The following CLOCK variants were observed in gnomAD, a reference collection of about 807,000 sequenced individuals.
CLOCK encodes clock circadian regulator, also known as circadian locomoter output cycles protein kaput.
CLOCK carries 43 observed loss-of-function variants against 118.4 expected under a neutral mutation model. The observed-to-expected ratio is 0.36, with a 90% CI of 0.28 to 0.47. The LOEUF is 0.47. CLOCK is among the 20% of genes least tolerant of loss of function. The pLI is 1.00. For synonymous variants in CLOCK, 326 were observed against 339.2 expected (o/e 0.96, Z 0.43); for missense variants, 846 against 999.9 (o/e 0.85, Z 2.08).
intron 11 of CLOCK, among the ~76,000 whole-genome samples, chr4:55,457,775 G>GA (rs1267344035): frequency 6.6e-6 from 1 of 151,808 alleles, no homozygotes; most frequent in Admixed American, 6.6e-5. Flanking sequence ...TGGGCTTTGA[G>GA]AAAAAAACAA....
rs1393723335 is a variant in CLOCK at position 55,435,589 on chromosome 4, A to G, written c.2367T>C (p.Ser789=). The change falls in exon 23 of 23, where the codon TCT becomes TCC. Residue 789 remains serine (S), a synonymous_variant. Coordinates refer to ENST00000513440, the MANE Select transcript of CLOCK (RefSeq NM_004898.4). The part of the protein sequence containing the change: ...TQPPQQFLQT[S]RLLHGNPSTQ... The stretch of plus-strand genomic sequence containing the variant: ...TTGAGGGATTCCCATGGAGCAACCT[A>G]GAAGTCTAAAAAACAAATGGATTAT... 3 of 1,613,728 alleles carry G rather than the reference A, an allele frequency of 1.9e-6. No homozygotes were observed. The highest frequency in any genetic ancestry group is 3.3e-5 in the Admixed American group (2 of 59,966).
chr4:55,522,495 GT>G (rs539425711), intron 1 of CLOCK, among the ~76,000 whole-genome samples: 35 of 147,230 alleles, frequency 2.4e-4, no homozygotes, highest in African/African-American at 6.2e-4. Context: ...GTAATAAACT[GT>G]TTTTTTTTAA....
chr4:55,445,915 G>C (rs2109712514), intron 18 of CLOCK, among the ~76,000 whole-genome samples: 1 of 151,660 alleles, frequency 6.6e-6, no homozygotes, highest in Middle Eastern at 3.4e-3. Flanking sequence ...TATTCTTTAG[G>C]TTCTCTTTAC....
At chr4:55,492,968 T>C (rs1391722883) in intron 2 of CLOCK, among the ~76,000 whole-genome samples, 3 of 152,228 alleles carry the variant, frequency 2.0e-5, no homozygotes, top group Non-Finnish European at 4.4e-5. Context: ...TCAACTGTGA[T>C]TGCTCCTAGG....
chr4:55,447,027 C>A (rs1203042623), intron 18 of CLOCK, among the ~76,000 whole-genome samples: 1 of 151,990 alleles, frequency 6.6e-6, no homozygotes, highest in Non-Finnish European at 1.5e-5. Context: ...AGTACCTCAA[C>A]TCCCTCAAGT....
At chr4:55,464,057 CA>C (rs1294966127) in intron 8 of CLOCK, among the ~76,000 whole-genome samples, 3 of 152,144 alleles carry the variant, frequency 2.0e-5, no homozygotes, top group Non-Finnish European at 2.9e-5. Context: ...ATGTTCTGAA[CA>C]TTTCAAAATA....
At position 55,455,904 on chromosome 4, in the gene CLOCK, A is replaced by G. The variant is rs1229972986; in HGVS notation, c.975T>C (p.His325=). The change falls in exon 13 of 23, where the codon CAT becomes CAC. Residue 325 remains histidine (H), a synonymous_variant. Transcript: ENST00000513440. ...ATGTTAAAATCTACTTACAGTGCTC[A>G]TGACATTTTGCCAAATTTTCTAGGT... ...VDDLENLAKC[H]EHLMQYGKGK... 1 of 1,610,978 alleles carries G rather than the reference A, an allele frequency of 6.2e-7. No homozygotes were observed. Among genetic ancestry groups the G allele is most frequent in the African/African-American group, 1.3e-5 (1 of 74,874 alleles).
chr4:55,456,163 C>G, intron 12 of CLOCK, 55 bp downstream of exon 12: 2 of 1,414,370 alleles, frequency 1.4e-6, no homozygotes, highest in Non-Finnish European at 2.0e-6. Context: ...CCATTAATTT[C>G]AAGAATTATA....
At chr4:55,438,154 A>T in intron 22 of CLOCK, 128 bp downstream of exon 22, 2 of 1,204,246 alleles carry the variant, frequency 1.7e-6, no homozygotes, top group African/African-American at 1.5e-5. Flanking sequence ...CTATCTTTGT[A>T]GAGATTTAAA....
chr4:55,538,738 T>C (rs1174947269), intron 1 of CLOCK, among the ~76,000 whole-genome samples: 1 of 152,136 alleles, frequency 6.6e-6, no homozygotes. Context: ...CAAAGTGCTT[T>C]AAAAGTAACA....
intron 1 of CLOCK, among the ~76,000 whole-genome samples, chr4:55,544,203 A>G (rs1395767582): frequency 6.7e-6 from 1 of 148,578 alleles, no homozygotes; most frequent in Non-Finnish European, 1.5e-5. Flanking sequence ...CACACACCCC[A>G]ATTTACCTTT....
intron 2 of CLOCK, among the ~76,000 whole-genome samples, chr4:55,495,878 A>G (rs1728035082): frequency 1.4e-5 from 2 of 139,182 alleles, no homozygotes; most frequent in South Asian, 5.0e-4. Flanking sequence ...GACAAAAAAC[A>G]CAAACTTTTT....
At chr4:55,442,840 C>T (rs780989076) in intron 20 of CLOCK, among the ~76,000 whole-genome samples, 5 of 152,018 alleles carry the variant, frequency 3.3e-5, no homozygotes, top group Admixed American at 6.6e-5. Context: ...GGAAGGCAAG[C>T]TATGACTTTA....
chr4:55,525,155 G>A (rs1447301299), intron 1 of CLOCK, among the ~76,000 whole-genome samples: 3 of 152,182 alleles, frequency 2.0e-5, no homozygotes, highest in Non-Finnish European at 4.4e-5. Flanking sequence ...ATGAAAGATA[G>A]AATGAGTTTT....
At chr4:55,486,136 G>A (rs909587207) in intron 3 of CLOCK, among the ~76,000 whole-genome samples, 6 of 152,196 alleles carry the variant, frequency 3.9e-5, no homozygotes, top group Admixed American at 6.5e-5. Flanking sequence ...TTATGACTCC[G>A]TAAATGCCAA....
At position 55,531,255 on chromosome 4, in the gene CLOCK, A is replaced by G. The variant is rs182984563; in HGVS notation, c.-290+15527T>C. Among the ~76,000 whole-genome samples the G allele has an allele frequency of 5.9e-5, 9 of 152,250 alleles. No homozygotes were observed. The East Asian group carries it at 1.2e-3, about 20-fold the overall frequency. On this transcript the variant is annotated intron_variant, in intron 1 of 22. Transcript: ENST00000513440. ...AGAAAAAAAAAATAGCCCCAGCACT[A>G]TAATTAAGTAAAGTGTAAGTGAGCT...
At chr4:55,522,576 T>C (rs189641882) in intron 1 of CLOCK, among the ~76,000 whole-genome samples, 14 of 152,042 alleles carry the variant, frequency 9.2e-5, no homozygotes, top group African/African-American at 2.9e-4. Context: ...GAATAAGTAG[T>C]TGGAAAAATA....
chr4:55,470,910 C>T, intron 7 of CLOCK, 104 bp from the exon 8 acceptor site: 1 of 785,388 alleles, frequency 1.3e-6, no homozygotes, highest in Non-Finnish European at 2.2e-6. Flanking sequence ...ATGGAAATAT[C>T]CAAAGTTCTG....
intron 1 of CLOCK, among the ~76,000 whole-genome samples, chr4:55,543,481 C>T (rs1337342518): frequency 6.6e-6 from 1 of 152,136 alleles, no homozygotes; most frequent in African/African-American, 2.4e-5. Context: ...CAAGATCATA[C>T]AGTGGTGTTA....
Sources: gnomAD v4.1 joint callset for allele counts (sites outside exome capture counted in the v4.1 genomes callset) on GRCh38, gnomAD v4.1.1 for gene constraint, MANE v1.5 for transcripts, NCBI Gene and HGNC (gene_info 2026-07-23, HGNC 2026-07-21) for gene names.